Variants in NAA25 observed in about 807,000 individuals in gnomAD.
NAA25 encodes N-terminal acetyltransferase B complex subunit NAA25.
In NAA25, 30 loss-of-function variants were observed where a neutral mutation model predicts 132.5. That is an observed-to-expected ratio of 0.23 (90% CI 0.17 to 0.31). The LOEUF (loss-of-function observed/expected upper bound fraction) is 0.31. NAA25 is among the 10% of genes least tolerant of loss of function. The pLI, the probability that NAA25 is intolerant of heterozygous loss-of-function variation, is 1.00. For missense variants in NAA25, 771 were observed against 1,150.4 expected, an observed-to-expected ratio of 0.67 and a Z score of 4.77; for synonymous variants, 359 against 401.9, an observed-to-expected ratio of 0.89 and a Z score of 1.28.
chr12:112,092,237 T>A (rs571396209), intron 2 of NAA25, among the ~76,000 whole-genome samples: 4 of 147,134 alleles, frequency 2.7e-5, no homozygotes, highest in African/African-American at 1.0e-4. Context: ...CAAGACTCCA[T>A]CTCAAAAAAG....
chr12:112,100,777 G>A (rs865937734), intron 1 of NAA25, among the ~76,000 whole-genome samples: 4 of 151,562 alleles, frequency 2.6e-5, no homozygotes, highest in South Asian at 2.1e-4. Flanking sequence ...CCGCCATCAC[G>A]CCCGGAGAAT....
At position 112,090,789 on chromosome 12, in the gene NAA25, G is replaced by A. The variant is rs770449703; in HGVS notation, c.220C>T (p.Leu74Phe). The change falls in exon 3 of 24, where the codon CTT becomes TTT. Residue 74 changes from leucine to phenylalanine, a missense_variant. Physicochemically the swap from Leu to Phe is conservative, Grantham distance 22. This residue lies in a region of NAA25 where 417 missense variants were observed against 733.8 expected (regional missense o/e 0.57). Coordinates refer to ENST00000261745, the MANE Select transcript of NAA25 (RefSeq NM_024953.4). Reference protein sequence around the residue: ...AFTLAQEVAALEPTDDNSLQA... With the variant: ...AFTLAQEVAAFEPTDDNSLQA... ...AGTGAGTTGTCATCTGTGGGTTCAA[G>A]GGCTGCCACCTCCTGTGCAAGAGTA... 1 of 1,614,000 alleles carries A rather than the reference G, an allele frequency of 6.2e-7. No homozygotes were observed. Among genetic ancestry groups the A allele is most frequent in the Non-Finnish European group, 8.5e-7 (1 of 1,179,932 alleles).
chr12:112,060,379 T>C lies in NAA25; in HGVS notation c.1358-20A>G. 6.5e-7 allele frequency: 1 copy of C among 1,527,808 alleles called. No individual in the cohort carries two copies. Among genetic ancestry groups the C allele is most frequent in the Non-Finnish European group, 9.1e-7 (1 of 1,102,770 alleles). The allele number at this position is 1,527,808 out of a possible 1,614,324, so 94.6% of individuals were successfully genotyped here. The stretch of plus-strand genomic sequence containing the variant: ...TTTTCCCTATGGGGGAAAAAAATCA[T>C]ATCTATTTTAACATTTGTTCAACTA... On this transcript the variant is annotated intron_variant, in intron 12 of 23. Coordinates refer to ENST00000261745, the MANE Select transcript of NAA25 (RefSeq NM_024953.4).
chr12:112,081,219 G>C (rs747730330), intron 4 of NAA25, 85 bp from the exon 5 acceptor site: 33 of 1,105,868 alleles, frequency 3.0e-5, no homozygotes, highest in Non-Finnish European at 4.3e-5. Context: ...AAAGTTTCTT[G>C]GGAGAACAGC....
At chr12:112,068,194 C>T (rs74488429) in intron 11 of NAA25, among the ~76,000 whole-genome samples, 154 of 152,232 alleles carry the variant, frequency 1.0e-3, no homozygotes, top group African/African-American at 3.5e-3. Flanking sequence ...CACGTGCCAC[C>T]GTACCTGGCT....
chr12:112,058,644 G>T (rs1004036194), intron 13 of NAA25, among the ~76,000 whole-genome samples: 4 of 152,306 alleles, frequency 2.6e-5, no homozygotes, highest in East Asian at 1.9e-4. Flanking sequence ...GCATGATAAG[G>T]CTGGGTGCAG....
In NAA25 at chr12:112,068,885, T is replaced by A; in HGVS notation, c.1144A>T (p.Thr382Ser). The A allele has an allele frequency of 1.9e-6, 3 of 1,590,762 alleles. No homozygotes were observed. The highest frequency in any genetic ancestry group is 1.7e-5 in the Admixed American group (1 of 57,932). ...CTAAACTGTATAGTACTTACTTTTG[T>A]ACACTGTGTAGCAGGTAAGAGGTCA... Reference protein sequence around the residue: ...FVDLLPATQCTKFINQLLGVV... With the variant: ...FVDLLPATQCSKFINQLLGVV... Residue 382 changes from threonine (T) to serine (S), a missense_variant, in exon 11 of 24, where the codon ACA becomes TCA. Coordinates refer to ENST00000261745, the MANE Select transcript of NAA25 (RefSeq NM_024953.4).
chr12:112,063,699 T>C (rs1319372275), intron 11 of NAA25, among the ~76,000 whole-genome samples: 1 of 152,086 alleles, frequency 6.6e-6, no homozygotes, highest in Admixed American at 6.6e-5. Flanking sequence ...ACTAATCACC[T>C]TACACAGAAG....
At chr12:112,030,683 C>T (rs2078138284) in intron 23 of NAA25, among the ~76,000 whole-genome samples, 1 of 152,206 alleles carries the variant, frequency 6.6e-6, no homozygotes, top group African/African-American at 2.4e-5. Context: ...GAGCCTAGAA[C>T]TGTAGAAGAA....
chr12:112,052,911 A>C (rs944352124), intron 15 of NAA25, among the ~76,000 whole-genome samples: 1 of 152,228 alleles, frequency 6.6e-6, no homozygotes, highest in African/African-American at 2.4e-5. Flanking sequence ...GCAGTTTTTT[A>C]TAATTGGTCA....
intron 11 of NAA25, among the ~76,000 whole-genome samples, chr12:112,062,118 T>C (rs1275564525): frequency 1.3e-5 from 2 of 152,122 alleles, no homozygotes; most frequent in African/African-American, 4.8e-5. Context: ...AAGAAGAGGC[T>C]GGGTGCAGTG....
chr12:112,071,816 G>T, intron 10 of NAA25, 79 bp downstream of exon 10: 2 of 1,141,750 alleles, frequency 1.8e-6, no homozygotes, highest in Non-Finnish European at 2.5e-6. Flanking sequence ...ACTCTGTCCA[G>T]TGTAGATCTC....
In NAA25 at chr12:112,043,208, G is replaced by A. The variant is rs773349199; in HGVS notation, c.2254C>T (p.Pro752Ser). The change falls in exon 19 of 24, where the codon CCT (proline) becomes TCT (serine). Residue 752 changes from proline (P) to serine (S), a missense_variant. Around this residue, in one of 3 missense-constraint regions of NAA25, gnomAD observed 324 missense variants for 400.0 expected, o/e 0.81. Coordinates refer to ENST00000261745, the MANE Select transcript of NAA25 (RefSeq NM_024953.4). ...KRFIEKDIQY[P>S]FLGPVPTRMG... Reference sequence around the variant, plus strand: ...CTGGTAGGTACAGGACCAAGGAAAGGATACTGGAAAAAAGGGAGAAAAATA... The same window carrying A: ...CTGGTAGGTACAGGACCAAGGAAAGAATACTGGAAAAAAGGGAGAAAAATA... 29 of 1,579,834 alleles carry A rather than the reference G, an allele frequency of 1.8e-5. No homozygotes were observed. The South Asian group carries it at 3.4e-4, about 18-fold the overall frequency.
chr12:112,037,731 C>A (rs1035917019), intron 22 of NAA25: 11 of 148,166 alleles, frequency 7.4e-5, no homozygotes, highest in African/African-American at 2.5e-4. Context: ...ATTAGTGACT[C>A]CTGATTTAAC....
In NAA25 at chr12:112,043,742, G is replaced by T; in HGVS notation, c.2133C>A (p.Asn711Lys). The T allele has an allele frequency of 6.2e-7, 1 of 1,614,138 alleles. No individual in the cohort carries two copies. Among genetic ancestry groups the T allele is most frequent in the Non-Finnish European group, 8.5e-7 (1 of 1,180,028 alleles). Residue 711 changes from asparagine (N) to lysine (K), a missense_variant, in exon 18 of 24, where the codon AAC becomes AAA. By Grantham distance (94) the Asn-to-Lys change is moderately conservative. This residue lies in a region of NAA25 where 324 missense variants were observed against 400.0 expected (regional missense o/e 0.81). Coordinates refer to ENST00000261745, the MANE Select transcript of NAA25 (RefSeq NM_024953.4). Reference sequence around the variant, plus strand: ...CCCCATTCTCGGCAGTCTTCTCCGAGTTCTTTGGCTCCACAGGGTGGTTGA... The same window carrying T: ...CCCCATTCTCGGCAGTCTTCTCCGATTTCTTTGGCTCCACAGGGTGGTTGA... Reference protein sequence around the residue: ...PSLNHPVEPKNSEKTAENGVS... With the variant: ...PSLNHPVEPKKSEKTAENGVS...
At chr12:112,041,860 T>C (rs1173423178) in intron 20 of NAA25, among the ~76,000 whole-genome samples, 179 bp downstream of exon 20, 1 of 152,226 alleles carries the variant, frequency 6.6e-6, no homozygotes, top group Non-Finnish European at 1.5e-5. Context: ...GATTACTTTT[T>C]ATCTGTATTT....
Position 112,042,097 on chromosome 12 carries a change from T to G in NAA25, c.2382A>C (p.Thr794=), listed in dbSNP as rs1593753577. The change falls in exon 20 of 24, where the codon ACA becomes ACC. Residue 794 remains threonine, a synonymous_variant. Coordinates refer to ENST00000261745, the MANE Select transcript of NAA25 (RefSeq NM_024953.4). The part of the protein sequence containing the change: ...YELDTSGLED[T]MEIQERIENS... ...TTTCTATTCGTTCCTGAATCTCCAT[T>G]GTATCCTCTAAAATTGAAAAACAAA... 4 of 1,464,154 alleles carry G rather than the reference T, an allele frequency of 2.7e-6. No individual in the cohort carries two copies. Among genetic ancestry groups the G allele is most frequent in the Non-Finnish European group, 3.6e-6 (4 of 1,102,536 alleles). The allele number at this position is 1,464,154 out of a possible 1,614,324, so 90.7% of individuals were successfully genotyped here.
At chr12:112,068,738 A>T in intron 11 of NAA25, 142 bp downstream of exon 11, 1 of 522,952 alleles carries the variant, frequency 1.9e-6, no homozygotes, top group Admixed American at 3.7e-5. Context: ...TAACACATAG[A>T]GTACTTAGCT....
In NAA25 at chr12:112,049,538, C is replaced by T. The variant is rs2078432620; in HGVS notation, c.1729-1095G>A. The T allele has an allele frequency of 4.1e-6, 4 of 985,836 alleles. No individual in the cohort carries two copies. The highest frequency in any genetic ancestry group is 1.7e-5 in the African/African-American group (1 of 57,348). 61.1% of individuals were successfully genotyped at this position (985,836 alleles called of 1,614,324 possible). A position where few individuals can be genotyped will look rare whatever the true frequency, so the allele number is the denominator to read the frequency against. The stretch of plus-strand genomic sequence containing the variant: ...TCAGGCCGCGGGATTGCGCCACGGG[C>T]GCTAATTCAACTGCATTCGATGCGG... On this transcript the variant is annotated intron_variant, in intron 15 of 23. Coordinates refer to ENST00000261745, the MANE Select transcript of NAA25 (RefSeq NM_024953.4). The surrounding 1 kb of genome is among the most constrained non-coding windows in gnomAD (Gnocchi z 4.7).
Sources: gnomAD v4.1 joint callset for allele counts (sites outside exome capture counted in the v4.1 genomes callset) on GRCh38, gnomAD v4.1.1 for gene constraint, gnomAD v4.1.1 regional missense constraint, Gnocchi (gnomAD v3.1) non-coding constraint, MANE v1.5 for transcripts, NCBI Gene and HGNC (gene_info 2026-07-23, HGNC 2026-07-21) for gene names.